CACNA1E: variants seen among roughly 807,000 people sequenced by gnomAD.
CACNA1E encodes voltage-dependent R-type calcium channel subunit alpha-1E.
Under a neutral mutation model 259.2 loss-of-function variants are expected in CACNA1E, and 40 were observed. The ratio of observed to expected loss-of-function variants is 0.15; its 90% CI spans 0.12 to 0.20. The LOEUF (loss-of-function observed/expected upper bound fraction) is 0.20, where lower values mean the gene tolerates loss of function less well. Among genes scored for constraint, CACNA1E ranks in the 10% least tolerant of loss-of-function variants. The pLI is 1.00. For missense variants in CACNA1E, 1,874 were observed against 3,040.1 expected (o/e 0.62, Z 9.02); for synonymous variants, 1,104 against 1,138.5 (o/e 0.97, Z 0.61).
intron 1 of CACNA1E, among the ~76,000 whole-genome samples, chr1:181,408,588 G>A (rs1657627289): frequency 6.6e-6 from 1 of 152,150 alleles, no homozygotes; most frequent in African/African-American, 2.4e-5. Context: ...GGTGGAGGAA[G>A]AGAGCCCTTA....
At chr1:181,597,560 C>A (rs1653314647) in intron 6 of CACNA1E, among the ~76,000 whole-genome samples, 1 of 152,176 alleles carries the variant, frequency 6.6e-6, no homozygotes, top group African/African-American at 2.4e-5. Flanking sequence ...TGTGCCCAGG[C>A]ACAGTGCTGG....
chr1:181,736,495 G>T (rs1321035435), intron 22 of CACNA1E, 61 bp downstream of exon 22: 14 of 1,485,628 alleles, frequency 9.4e-6, no homozygotes, highest in African/African-American at 1.4e-5. Flanking sequence ...GTGTGAGGCA[G>T]GGCAGGGTGA....
At chr1:181,555,406 A>C (rs549045884) in intron 3 of CACNA1E, among the ~76,000 whole-genome samples, 4 of 152,332 alleles carry the variant, frequency 2.6e-5, no homozygotes, top group Admixed American at 2.0e-4. Flanking sequence ...TACAGGAACA[A>C]GACATATCGA....
intron 1 of CACNA1E, among the ~76,000 whole-genome samples, chr1:181,381,094 A>C (rs1246246977): frequency 2.6e-5 from 4 of 151,814 alleles, no homozygotes; most frequent in South Asian, 4.2e-4. Flanking sequence ...TGAACCCAGG[A>C]GGTGGAGGTT....
intron 6 of CACNA1E, among the ~76,000 whole-genome samples, chr1:181,637,343 T>TG (rs1008845614): frequency 1.3e-4 from 20 of 151,970 alleles, no homozygotes; most frequent in African/African-American, 4.8e-4. Context: ...ATTTTAGTGG[T>TG]GGGAAAAAAA....
intron 6 of CACNA1E, among the ~76,000 whole-genome samples, chr1:181,632,190 C>A (rs1379480525): frequency 3.3e-5 from 5 of 151,726 alleles, no homozygotes; most frequent in African/African-American, 9.7e-5. Flanking sequence ...CAGAGATATT[C>A]CTGAGGGATA....
At position 181,389,498 on chromosome 1, in the gene CACNA1E, C is replaced by T. The variant is rs561514162; in HGVS notation, c.-14-23635C>T. 7.6e-4 allele frequency among the ~76,000 whole-genome samples: 115 copies of T among 152,168 alleles called. 1 individual carries two copies. Among genetic ancestry groups the T allele is most frequent in the Non-Finnish European group, 1.1e-3 (77 of 68,036 alleles). ...TAGTGACTAGACTAGTTCACAAGTA[C>T]GGAATCTGCAATTAATGAGGATGGA... On this transcript the variant is annotated intron_variant, in intron 1 of 11. Transcript: ENST00000524607.
chr1:181,492,961 A>G (rs948007457), intron 1 of CACNA1E, among the ~76,000 whole-genome samples: 1 of 152,118 alleles, frequency 6.6e-6, no homozygotes, highest in African/African-American at 2.4e-5. Context: ...TAGTGACCTG[A>G]GTAAGTGTCT....
intron 1 of CACNA1E, among the ~76,000 whole-genome samples, chr1:181,386,713 C>T (rs897415148): frequency 2.8e-4 from 43 of 152,158 alleles, no homozygotes; most frequent in Non-Finnish European, 1.5e-4. Flanking sequence ...GCATAATGGA[C>T]AGTACAAATC....
At chr1:181,342,631 C>T (rs1652252830) in intron 1 of CACNA1E, among the ~76,000 whole-genome samples, 1 of 152,172 alleles carries the variant, frequency 6.6e-6, no homozygotes, top group South Asian at 2.1e-4. Context: ...CCAGCCAAAA[C>T]CCAGACTAGA....
intron 1 of CACNA1E, among the ~76,000 whole-genome samples, chr1:181,378,662 A>G (rs1655259591): frequency 6.6e-6 from 1 of 152,228 alleles, no homozygotes; most frequent in Non-Finnish European, 1.5e-5. Context: ...GGATAGGATT[A>G]GAGGTAACAG....
intron 6 of CACNA1E, among the ~76,000 whole-genome samples, chr1:181,611,017 C>T (rs1289196301): frequency 2.0e-5 from 3 of 152,146 alleles, no homozygotes; most frequent in Admixed American, 6.5e-5. Flanking sequence ...ATGATCTTAG[C>T]CTCTACCAGT....
At chr1:181,635,570 A>G (rs1322259508) in intron 6 of CACNA1E, among the ~76,000 whole-genome samples, 1 of 152,174 alleles carries the variant, frequency 6.6e-6, no homozygotes, top group Non-Finnish European at 1.5e-5. Context: ...TACTTTAGCA[A>G]GCATCACCTA....
At chr1:181,532,780 C>T (rs1309504424) in intron 3 of CACNA1E, among the ~76,000 whole-genome samples, 2 of 152,260 alleles carry the variant, frequency 1.3e-5, no homozygotes, top group African/African-American at 4.8e-5. Context: ...CCTTCCCAAG[C>T]AGGGGATACT....
intron 7 of CACNA1E, among the ~76,000 whole-genome samples, chr1:181,702,962 A>G (rs954675901): frequency 5.3e-5 from 8 of 152,264 alleles, no homozygotes; most frequent in African/African-American, 1.9e-4. Context: ...GTTGAGGACA[A>G]AGATTTGCTT....
chr1:181,342,214 G>A (rs1468080656), intron 1 of CACNA1E, among the ~76,000 whole-genome samples: 1 of 152,180 alleles, frequency 6.6e-6, no homozygotes, highest in Non-Finnish European at 1.5e-5. Flanking sequence ...AGGCTGGTGA[G>A]GCATTAGTGC....
intron 25 of CACNA1E, chr1:181,745,330 A>ATT (rs375841404): frequency 2.0e-4 from 86 of 440,914 alleles, no homozygotes; most frequent in South Asian, 2.6e-4. Flanking sequence ...ACACCCAAGT[A>ATT]TTTTTTTTTT....
At chr1:181,682,019 A>G (rs1572583457) in intron 7 of CACNA1E, among the ~76,000 whole-genome samples, 1 of 152,150 alleles carries the variant, frequency 6.6e-6, no homozygotes, top group South Asian at 2.1e-4. Context: ...TACCCTGGCA[A>G]TGCAATATTT....
intron 7 of CACNA1E, among the ~76,000 whole-genome samples, chr1:181,656,059 A>G (rs1183555275): frequency 2.6e-5 from 4 of 152,252 alleles, no homozygotes; most frequent in Non-Finnish European, 2.9e-5. Flanking sequence ...TGTCCATCAT[A>G]TAACAGTAGA....
Sources: allele counts gnomAD v4.1 joint callset (sites outside exome capture counted in the v4.1 genomes callset), GRCh38; gene constraint gnomAD v4.1.1; transcripts MANE v1.5; gene names NCBI Gene and HGNC (gene_info 2026-07-23, HGNC 2026-07-21).